Variants in ROBO2 observed in about 807,000 individuals in gnomAD.
The protein encoded by ROBO2 is roundabout homolog 2.
Under a neutral mutation model 160.8 loss-of-function variants are expected in ROBO2, and 53 were observed. That is an observed-to-expected ratio of 0.33 (90% CI 0.26 to 0.41). The LOEUF (loss-of-function observed/expected upper bound fraction) is 0.41. Ranked by LOEUF, ROBO2 falls within the 10% of genes least tolerant of loss-of-function variation. The pLI, the probability that ROBO2 is intolerant of heterozygous loss-of-function variation, is 1.00. For missense variants in ROBO2, 1,577 were observed against 1,722.4 expected (o/e 0.92, Z 1.49); for synonymous variants, 664 against 611.7 (o/e 1.09, Z -1.26).
intron 2 of ROBO2, among the ~76,000 whole-genome samples, chr3:77,425,487 A>G (rs1388228728): frequency 6.6e-6 from 1 of 152,070 alleles, no homozygotes; most frequent in Non-Finnish European, 1.5e-5. Context: ...AGTCACCCAT[A>G]CTCCATAAAA....
chr3:77,434,931 A>T (rs914854202), intron 2 of ROBO2, among the ~76,000 whole-genome samples: 3 of 152,116 alleles, frequency 2.0e-5, no homozygotes, highest in African/African-American at 7.2e-5. Flanking sequence ...TCCCCAAATC[A>T]TGAAATCAAT....
chr3:76,254,094 G>T (rs139585573), intron 2 of ROBO2, among the ~76,000 whole-genome samples: 409 of 152,090 alleles, frequency 2.7e-3, no homozygotes, highest in Non-Finnish European at 4.6e-3. Flanking sequence ...ATCTTTAGTA[G>T]GAGTAGTTTT....
intron 2 of ROBO2, among the ~76,000 whole-genome samples, chr3:77,304,890 C>T (rs1023488077): frequency 3.3e-5 from 5 of 152,062 alleles, no homozygotes; most frequent in African/African-American, 1.2e-4. Context: ...CATACGTAAG[C>T]TGTAGTTTTG....
At chr3:77,628,592 C>A (rs2095087254) in intron 23 of ROBO2, among the ~76,000 whole-genome samples, 2 of 152,072 alleles carry the variant, frequency 1.3e-5, no homozygotes, top group Admixed American at 6.5e-5. Context: ...GGAATTCTAA[C>A]ATCTTATATA....
intron 2 of ROBO2, among the ~76,000 whole-genome samples, chr3:76,069,402 C>T (rs1017872499): frequency 2.6e-5 from 4 of 152,084 alleles, no homozygotes; most frequent in African/African-American, 9.7e-5. Context: ...AATTGAATAC[C>T]AGTTGAAGTA....
chr3:76,934,704 C>G (rs954466733), intron 2 of ROBO2, among the ~76,000 whole-genome samples: 2 of 151,954 alleles, frequency 1.3e-5, no homozygotes, highest in Non-Finnish European at 2.9e-5. Context: ...TATACCGCCA[C>G]TGCACTCCAG....
At chr3:76,337,054 G>C (rs1559786430) in intron 2 of ROBO2, among the ~76,000 whole-genome samples, 1 of 152,080 alleles carries the variant, frequency 6.6e-6, no homozygotes, top group African/African-American at 2.4e-5. Flanking sequence ...CAGCAAGTTT[G>C]ATTACAGTTA....
At chr3:76,812,510 G>A (rs936951952) in intron 2 of ROBO2, among the ~76,000 whole-genome samples, 4 of 151,642 alleles carry the variant, frequency 2.6e-5, no homozygotes, top group African/African-American at 9.7e-5. Flanking sequence ...TAAAAAAAAA[G>A]GGAAACTTGA....
rs897194032 is a variant in ROBO2 at position 77,272,663 on chromosome 3, G to C, written c.388+174323G>C. ...ATTTATAAATGTAGGGTTCAAGTTA[G>C]TGTAAAAGCGATAGCATTGTCCACC... On this transcript the variant is annotated intron_variant, in intron 2 of 25. Coordinates refer to ENST00000461745, the Ensembl canonical transcript of ROBO2. Among the ~76,000 whole-genome samples, 4 of 152,128 alleles carry C rather than the reference G, an allele frequency of 2.6e-5. No individual in the cohort carries two copies. The South Asian group carries it at 6.2e-4, about 24-fold the overall frequency.
chr3:77,467,574 C>T (rs183081474), intron 2 of ROBO2, among the ~76,000 whole-genome samples: 55 of 144,398 alleles, frequency 3.8e-4, no homozygotes, highest in African/African-American at 1.3e-3. Context: ...CTGGCTTTAT[C>T]ATCTATCTGT....
At chr3:76,681,994 A>T (rs957336091) in intron 2 of ROBO2, among the ~76,000 whole-genome samples, 1 of 152,124 alleles carries the variant, frequency 6.6e-6, no homozygotes, top group Non-Finnish European at 1.5e-5. Flanking sequence ...ACGGGAGGTC[A>T]TATGTGTGCC....
intron 2 of ROBO2, among the ~76,000 whole-genome samples, chr3:76,308,408 A>G (rs2107769673): frequency 6.6e-6 from 1 of 151,862 alleles, no homozygotes; most frequent in Admixed American, 6.6e-5. Context: ...GAAAGAAAGA[A>G]AAGCAAAGAA....
chr3:76,234,381 C>T (rs1704808040), intron 2 of ROBO2, among the ~76,000 whole-genome samples: 1 of 152,152 alleles, frequency 6.6e-6, no homozygotes, highest in Non-Finnish European at 1.5e-5. Flanking sequence ...CTCTAAACTG[C>T]TTTCCACAAT....
intron 2 of ROBO2, among the ~76,000 whole-genome samples, chr3:76,328,626 C>T (rs1464179585): frequency 6.6e-6 from 1 of 151,744 alleles, no homozygotes; most frequent in African/African-American, 2.4e-5. Flanking sequence ...TTTGGGAGGC[C>T]GAGGCGGGTG....
intron 5 of ROBO2, among the ~76,000 whole-genome samples, chr3:77,522,092 C>A (rs2090656006): frequency 6.6e-6 from 1 of 151,122 alleles, no homozygotes; most frequent in Admixed American, 6.6e-5. Flanking sequence ...TATTCTCATG[C>A]AAGTACTCCC....
chr3:76,860,297 T>C (rs1283549783), intron 2 of ROBO2, among the ~76,000 whole-genome samples: 3 of 152,168 alleles, frequency 2.0e-5, no homozygotes, highest in Admixed American at 1.3e-4. Flanking sequence ...TCAATGGCCT[T>C]CTAATTTCAA....
At chr3:76,855,529 A>G (rs1231259039) in intron 2 of ROBO2, among the ~76,000 whole-genome samples, 2 of 152,244 alleles carry the variant, frequency 1.3e-5, no homozygotes, top group East Asian at 3.8e-4. Flanking sequence ...ATAAGATTGC[A>G]TAATTCCAAG....
intron 2 of ROBO2, among the ~76,000 whole-genome samples, chr3:76,736,012 G>C (rs914571867): frequency 6.6e-6 from 1 of 151,598 alleles, no homozygotes; most frequent in Non-Finnish European, 1.5e-5. Flanking sequence ...GGCCGGGCGC[G>C]GTGGCTCACA....
chr3:76,002,830 C>G (rs186530460), intron 2 of ROBO2, among the ~76,000 whole-genome samples: 5 of 152,080 alleles, frequency 3.3e-5, no homozygotes, highest in Non-Finnish European at 7.4e-5. Context: ...TCAGAAGGAG[C>G]CACCTTTTCA....
Sources: gnomAD v4.1 joint callset for allele counts (sites outside exome capture counted in the v4.1 genomes callset) on GRCh38, gnomAD v4.1.1 for gene constraint, MANE v1.5 for transcripts, NCBI Gene and HGNC (gene_info 2026-07-23, HGNC 2026-07-21) for gene names.